LRMDA: variants seen among roughly 807,000 people sequenced by gnomAD.
LRMDA encodes leucine rich melanocyte differentiation associated, also known as leucine-rich melanocyte differentiation-associated protein.
A neutral mutation model predicts 29.8 loss-of-function variants in LRMDA; 18 were observed. That is an observed-to-expected ratio of 0.60 (90% CI 0.42 to 0.90). The LOEUF is 0.90. Ranked by LOEUF, LRMDA falls within the 40% of genes least tolerant of loss-of-function variation. The pLI is 0.00. For missense variants in LRMDA, 273 were observed against 273.9 expected (o/e 1.00, Z 0.02); for synonymous variants, 125 against 109.4 (o/e 1.14, Z -0.89).
chr10:76,249,754 T>G (rs965686779), intron 5 of LRMDA, among the ~76,000 whole-genome samples: 8 of 152,232 alleles, frequency 5.3e-5, no homozygotes, highest in African/African-American at 1.9e-4. Flanking sequence ...ATGGTTCTGT[T>G]TAATTTATTT....
In LRMDA at chr10:75,431,738, T is replaced by G. The variant is rs1589142549; in HGVS notation, c.14T>G (p.Val5Gly). 1 of 1,371,362 alleles carries G rather than the reference T, an allele frequency of 7.3e-7. No individual in the cohort carries two copies. The highest frequency in any genetic ancestry group is 1.5e-5 in the African/African-American group (1 of 67,212). The allele number at this position is 1,371,362 out of a possible 1,614,324, so 84.9% of individuals were successfully genotyped here. A position where few individuals can be genotyped will look rare whatever the true frequency, so the allele number is the denominator to read the frequency against. MAGL[V>G]VRGTQVSYIG... Reference sequence around the variant, plus strand: ...GTCCTGGCCGCCATGGCCGGGCTCGTGGTGCGTGGAACTCAAGTAAGTCCC... The same window carrying G: ...GTCCTGGCCGCCATGGCCGGGCTCGGGGTGCGTGGAACTCAAGTAAGTCCC... The change falls in exon 1 of 7, where the codon GTG becomes GGG. Residue 5 changes from valine to glycine, a missense_variant. Coordinates refer to ENST00000611255, the MANE Select transcript of LRMDA (RefSeq NM_001305581.2).
intron 2 of LRMDA, among the ~76,000 whole-genome samples, chr10:75,470,354 G>T (rs1275458666): frequency 2.0e-5 from 3 of 152,178 alleles, no homozygotes; most frequent in African/African-American, 7.2e-5. Flanking sequence ...AAAATTAGCT[G>T]GGTGTGGTGG....
chr10:76,537,552 C>T (rs1843304475), intron 6 of LRMDA, among the ~76,000 whole-genome samples: 1 of 152,184 alleles, frequency 6.6e-6, no homozygotes, highest in Non-Finnish European at 1.5e-5. Context: ...AAAGGCCATA[C>T]ATATTCCTTG....
chr10:75,824,164 G>T (rs1844211575), intron 2 of LRMDA, among the ~76,000 whole-genome samples: 1 of 152,018 alleles, frequency 6.6e-6, no homozygotes, highest in African/African-American at 2.4e-5. Context: ...AAAATATTTT[G>T]ATTACATGTT....
At chr10:76,174,705 G>A (rs774200862) in intron 5 of LRMDA, among the ~76,000 whole-genome samples, 10 of 152,196 alleles carry the variant, frequency 6.6e-5, no homozygotes, top group Admixed American at 1.3e-4. Flanking sequence ...GCGACCCTCA[G>A]AAGTGTGTGA....
chr10:75,979,176 G>C (rs1847124210), intron 2 of LRMDA, among the ~76,000 whole-genome samples: 2 of 152,084 alleles, frequency 1.3e-5, no homozygotes, highest in Admixed American at 1.3e-4. Flanking sequence ...TATTATTTCT[G>C]TTGTTATTGT....
chr10:76,518,774 A>G (rs534179610), intron 6 of LRMDA, among the ~76,000 whole-genome samples: 59 of 152,308 alleles, frequency 3.9e-4, no homozygotes, highest in Non-Finnish European at 7.1e-4. Context: ...TTCAATTGTG[A>G]TAGCTCAAAC....
chr10:76,418,790 T>G (rs1469627577), intron 6 of LRMDA, among the ~76,000 whole-genome samples: 1 of 152,120 alleles, frequency 6.6e-6, no homozygotes, highest in East Asian at 1.9e-4. Context: ...TCTTTTGTTA[T>G]GAGTTTTCAA....
intron 6 of LRMDA, among the ~76,000 whole-genome samples, chr10:76,408,441 T>C (rs1589169925): frequency 6.6e-6 from 1 of 152,210 alleles, no homozygotes; most frequent in African/African-American, 2.4e-5. Flanking sequence ...CCGAGAATTA[T>C]GTTCTCATAA....
chr10:76,141,050 CTTT>C (rs1341769800), intron 5 of LRMDA, among the ~76,000 whole-genome samples: 2 of 152,032 alleles, frequency 1.3e-5, no homozygotes, highest in Non-Finnish European at 2.9e-5. Context: ...TCTGGTCCTT[CTTT>C]GAGTCTTGTA....
At chr10:75,616,362 T>C (rs371693475) in intron 2 of LRMDA, among the ~76,000 whole-genome samples, 11 of 152,342 alleles carry the variant, frequency 7.2e-5, no homozygotes, top group Admixed American at 4.6e-4. Context: ...ATATGGGGAT[T>C]ATTGCAATTC....
chr10:76,424,776 C>T (rs944376883), intron 6 of LRMDA, among the ~76,000 whole-genome samples: 1 of 152,206 alleles, frequency 6.6e-6, no homozygotes, highest in African/African-American at 2.4e-5. Flanking sequence ...AGATTTTCAA[C>T]CCAGTTTGTT....
chr10:76,533,725 C>T (rs879287119), intron 6 of LRMDA, among the ~76,000 whole-genome samples: 2 of 152,128 alleles, frequency 1.3e-5, no homozygotes, highest in Non-Finnish European at 2.9e-5. Context: ...TTAAGTATTC[C>T]TGAGTATTTA....
intron 5 of LRMDA, among the ~76,000 whole-genome samples, chr10:76,222,100 C>T (rs11498044): frequency 0.032 from 4,831 of 151,802 alleles, 241 homozygotes; most frequent in African/African-American, 0.11. Flanking sequence ...CTTCCTTACA[C>T]CTTATACAAA....
intron 5 of LRMDA, among the ~76,000 whole-genome samples, chr10:76,178,246 T>C (rs1218672368): frequency 6.6e-6 from 1 of 152,166 alleles, no homozygotes; most frequent in African/African-American, 2.4e-5. Flanking sequence ...GAGTGAGCAA[T>C]GCTTCTTGCG....
intron 5 of LRMDA, among the ~76,000 whole-genome samples, chr10:76,125,392 T>C (rs1486518333): frequency 1.3e-5 from 2 of 152,194 alleles, no homozygotes; most frequent in African/African-American, 4.8e-5. Flanking sequence ...TTCGGCAAAA[T>C]GTTGATATGA....
chr10:75,618,713 C>T (rs1186702970), intron 2 of LRMDA, among the ~76,000 whole-genome samples: 6 of 149,290 alleles, frequency 4.0e-5, no homozygotes, highest in Admixed American at 4.0e-4. Context: ...ATACTGTGTT[C>T]TTATAAATAG....
chr10:75,723,404 G>A (rs984732275), intron 2 of LRMDA, among the ~76,000 whole-genome samples: 3 of 152,218 alleles, frequency 2.0e-5, no homozygotes, highest in African/African-American at 7.2e-5. Flanking sequence ...GATACCGTTA[G>A]CTTTTAGATC....
intron 6 of LRMDA, among the ~76,000 whole-genome samples, chr10:76,370,803 T>C (rs7087737): frequency 0.3 from 45,518 of 152,034 alleles, 8,792 homozygotes; most frequent in Non-Finnish European, 0.43. Flanking sequence ...ATATCATTTT[T>C]GTACTGTAGT....
Sources: allele counts gnomAD v4.1 joint callset (sites outside exome capture counted in the v4.1 genomes callset), GRCh38; gene constraint gnomAD v4.1.1; transcripts MANE v1.5; gene names NCBI Gene and HGNC (gene_info 2026-07-23, HGNC 2026-07-21).